The following WASHC4 variants were observed in gnomAD, a reference collection of about 807,000 sequenced individuals.
WASHC4 encodes WASH complex subunit 7.
In WASHC4, 86 loss-of-function variants were observed where a neutral mutation model predicts 166.6. The observed-to-expected ratio is 0.52, with a 90% confidence interval of 0.43 to 0.62. WASHC4 has a LOEUF of 0.62. WASHC4 is among the 20% of genes least tolerant of loss of function. WASHC4 has a pLI of 0.00. For synonymous variants in WASHC4, 446 were observed against 451.6 expected (o/e 0.99, Z 0.16); for missense variants, 1,262 against 1,382.4 (o/e 0.91, Z 1.38).
intron 10 of WASHC4, among the ~76,000 whole-genome samples, chr12:105,124,234 C>T (rs1186833236): frequency 1.3e-5 from 2 of 151,812 alleles, no homozygotes; most frequent in East Asian, 3.9e-4. Flanking sequence ...ATTCTCCTGC[C>T]TCAGCCTCCC....
rs1300559561 is a variant in WASHC4 at position 105,164,680 on chromosome 12, A to G, written c.3394A>G (p.Ile1132Val). The G allele has an allele frequency of 6.2e-7, 1 of 1,613,656 alleles. No individual in the cohort carries two copies. Among genetic ancestry groups the G allele is most frequent in the East Asian group, 2.2e-5 (1 of 44,822 alleles). ...LLYFSLSSARIFFRADKTAAE... is the reference protein window; with the variant it reads ...LLYFSLSSARVFFRADKTAAE... Reference sequence around the variant, plus strand: ...GTATTTCTCACTGAGCAGTGCAAGAATTTTCTTCAGAGCAGACAAGACTGC... The same window carrying G: ...GTATTTCTCACTGAGCAGTGCAAGAGTTTTCTTCAGAGCAGACAAGACTGC... The change falls in exon 32 of 33, where the codon ATT (isoleucine) becomes GTT (valine). Residue 1132 changes from isoleucine to valine, a missense_variant. By Grantham distance (29) the Ile-to-Val change is conservative. Transcript: ENST00000332180.
chr12:105,122,127 A>G lies in WASHC4; in HGVS notation c.675A>G (p.Lys225=), dbSNP rs1226695901. Residue 225 remains lysine, a synonymous_variant, in exon 10 of 33, where the codon AAA becomes AAG. Transcript: ENST00000332180. ...CTTAATTTTCCTCAAGGTTACTGAA[A>G]TCTGTCCATCACAATCCTTCAAAAT... ...DHWTMYKRLL[K]SVHHNPSKFG... 1 of 1,597,646 alleles carries G rather than the reference A, an allele frequency of 6.3e-7. No homozygotes were observed.
intron 24 of WASHC4, chr12:105,148,965 G>GTCAAAGCACACATGTACTTAACAT (rs1883523288): frequency 3.0e-6 from 3 of 984,544 alleles, no homozygotes; most frequent in Middle Eastern, 5.2e-4. Context: ...GTTATTTATT[G>GTCAAAGCACACATGTACTTAACAT]TCAAAGCACA....
At chr12:105,139,510 A>AT in intron 15 of WASHC4, among the ~76,000 whole-genome samples, 2 of 147,990 alleles carry the variant, frequency 1.4e-5, no homozygotes, top group South Asian at 4.3e-4. Context: ...TGTATTTCCA[A>AT]TTGACCAACA....
intron 6 of WASHC4, among the ~76,000 whole-genome samples, chr12:105,117,448 G>T (rs1333544961): frequency 6.6e-6 from 1 of 151,866 alleles, no homozygotes; most frequent in African/African-American, 2.4e-5. Flanking sequence ...ATCTGGGCTT[G>T]TTTCTGCCTT....
chr12:105,151,259 C>G (rs936999025), intron 25 of WASHC4, among the ~76,000 whole-genome samples: 1 of 151,672 alleles, frequency 6.6e-6, no homozygotes, highest in Non-Finnish European at 1.5e-5. Context: ...TGGCAGCAGG[C>G]GCATGTAGCC....
intron 24 of WASHC4, chr12:105,148,049 G>C: frequency 1.0e-6 from 1 of 985,322 alleles, no homozygotes; most frequent in Non-Finnish European, 1.2e-6. Context: ...TCCTTTAGGG[G>C]AGAAGACTGA....
intron 2 of WASHC4, among the ~76,000 whole-genome samples, chr12:105,112,130 CT>C (rs1341519680): frequency 6.6e-6 from 1 of 152,176 alleles, no homozygotes; most frequent in Non-Finnish European, 1.5e-5. Flanking sequence ...CCTCTGTACA[CT>C]TCATATAAAT....
At chr12:105,141,071 A>T (rs1413858897) in intron 17 of WASHC4, 26 bp downstream of exon 17, 1 of 1,613,720 alleles carries the variant, frequency 6.2e-7, no homozygotes, top group South Asian at 1.1e-5. Context: ...TTACTTATGG[A>T]ACAGAAATGA....
At chr12:105,160,211 G>T in intron 29 of WASHC4, 63 bp downstream of exon 29, 1 of 1,403,470 alleles carries the variant, frequency 7.1e-7, no homozygotes, top group South Asian at 1.2e-5. Context: ...AAATAGATCT[G>T]GTTTCTTTGT....
intron 15 of WASHC4, among the ~76,000 whole-genome samples, chr12:105,139,437 A>ATATATATATATAT (rs1882618740): frequency 8.1e-6 from 1 of 123,900 alleles, no homozygotes; most frequent in East Asian, 2.7e-4. Context: ...ATATATATAT[A>ATATATATATATAT]TATATATATA....
intron 26 of WASHC4, among the ~76,000 whole-genome samples, chr12:105,153,661 A>G (rs1332648361): frequency 1.3e-5 from 2 of 152,218 alleles, no homozygotes; most frequent in East Asian, 1.9e-4. Flanking sequence ...ATGATATGCT[A>G]GAGTCCATGT....
chr12:105,167,259 T>A lies in WASHC4; in HGVS notation c.*328T>A, dbSNP rs1884861515. Reference sequence around the variant, plus strand: ...TCTTGTAATCTACATGTTTGTAATTTGTATTTGCATAGATCTTTGATCTAT... The same window carrying A: ...TCTTGTAATCTACATGTTTGTAATTAGTATTTGCATAGATCTTTGATCTAT... On this transcript the variant is annotated 3_prime_UTR_variant, in exon 33 of 33. Coordinates refer to ENST00000332180, the MANE Select transcript of WASHC4 (RefSeq NM_015275.3). 3 of 300,896 alleles carry A rather than the reference T, an allele frequency of 1.0e-5. No individual in the cohort carries two copies. The South Asian group carries it at 1.2e-4, about 12-fold the overall frequency. The allele number at this position is 300,896 out of a possible 1,614,324, so 18.6% of individuals were successfully genotyped here. A position where few individuals can be genotyped will look rare whatever the true frequency, so the allele number is the denominator to read the frequency against.
At chr12:105,149,548 T>G (rs1196802) in intron 24 of WASHC4, 67 bp from the exon 25 acceptor site, 954,537 of 1,143,404 alleles carry the variant, frequency 0.83, 401,785 homozygotes, top group East Asian at 1. Context: ...CAGTAAAATT[T>G]ATTTGAATTG....
chr12:105,119,352 T>C (rs1229162973), intron 7 of WASHC4, among the ~76,000 whole-genome samples: 1 of 152,198 alleles, frequency 6.6e-6, no homozygotes, highest in East Asian at 1.9e-4. Flanking sequence ...ACACTTACAA[T>C]CTAATTAATA....
At chr12:105,150,960 C>T (rs761412459) in intron 25 of WASHC4, among the ~76,000 whole-genome samples, 8 of 152,052 alleles carry the variant, frequency 5.3e-5, no homozygotes, top group Admixed American at 2.0e-4. Context: ...GTTATCTCCA[C>T]CTGGTCCCTC....
Position 105,114,226 on chromosome 12 carries a change from A to G in WASHC4, c.212A>G (p.Tyr71Cys), listed in dbSNP as rs747962282. 2 of 1,610,150 alleles carry G rather than the reference A, an allele frequency of 1.2e-6. No individual in the cohort carries two copies. Among genetic ancestry groups the G allele is most frequent in the Non-Finnish European group, 1.7e-6 (2 of 1,177,566 alleles). The change falls in exon 3 of 33, where the codon TAT becomes TGT. Residue 71 changes from tyrosine (Y) to cysteine (C), a missense_variant. Coordinates refer to ENST00000332180, the MANE Select transcript of WASHC4 (RefSeq NM_015275.3). ...CCTTTGTTTCTGTAGCTTTTGCCTT[A>G]TGAACAGTCCTCTCTTTTGGAACTC... ...LDPIALKLLP[Y>C]EQSSLLELIK...
chr12:105,115,605 T>C, intron 5 of WASHC4, 56 bp from the exon 6 acceptor site: 2 of 1,285,672 alleles, frequency 1.6e-6, no homozygotes, highest in Non-Finnish European at 2.3e-6. Flanking sequence ...TTTTTTGGTA[T>C]TGATTGAGTT....
chr12:105,112,372 C>T (rs1565990740), intron 2 of WASHC4, among the ~76,000 whole-genome samples: 2 of 152,064 alleles, frequency 1.3e-5, no homozygotes. Flanking sequence ...TTTGTGTAGA[C>T]ATATATAAGT....
Sources: gnomAD v4.1 joint callset for allele counts (sites outside exome capture counted in the v4.1 genomes callset) on GRCh38, gnomAD v4.1.1 for gene constraint, MANE v1.5 for transcripts, NCBI Gene and HGNC (gene_info 2026-07-23, HGNC 2026-07-21) for gene names.